SRPK2: variants seen among roughly 807,000 people sequenced by gnomAD.
The protein encoded by SRPK2 is SFRS protein kinase 2.
In SRPK2, 21 loss-of-function variants were observed where a neutral mutation model predicts 90.8. The observed-to-expected ratio is 0.23, with a 90% CI of 0.16 to 0.33. SRPK2 has a LOEUF of 0.33. SRPK2 is among the 10% of genes least tolerant of loss of function. The pLI is 1.00. For missense variants in SRPK2, 620 were observed against 869.0 expected, an observed-to-expected ratio of 0.71 and a Z score of 3.60; for synonymous variants, 288 against 311.1, an observed-to-expected ratio of 0.93 and a Z score of 0.78.
chr7:105,120,419 G>T (rs1336118203), intron 15 of SRPK2, among the ~76,000 whole-genome samples: 1 of 152,116 alleles, frequency 6.6e-6, no homozygotes, highest in Non-Finnish European at 1.5e-5. Flanking sequence ...TAGTAACAGT[G>T]AGCAAAACAA....
At chr7:105,257,003 A>C (rs563919995) in intron 2 of SRPK2, among the ~76,000 whole-genome samples, 1 of 152,366 alleles carries the variant, frequency 6.6e-6, no homozygotes, top group South Asian at 2.1e-4. Context: ...TGTCCATTAG[A>C]GTACTTAGCA....
chr7:105,316,436 C>T (rs903882130), intron 2 of SRPK2, among the ~76,000 whole-genome samples: 4 of 152,122 alleles, frequency 2.6e-5, no homozygotes, highest in Non-Finnish European at 5.9e-5. Context: ...CACTACTTTA[C>T]CTCCAAGCTA....
At chr7:105,239,785 A>C (rs1345873103) in intron 2 of SRPK2, among the ~76,000 whole-genome samples, 3 of 152,252 alleles carry the variant, frequency 2.0e-5, no homozygotes, top group African/African-American at 7.2e-5. Context: ...GATAAGAATA[A>C]GAAAGCCAAT....
At chr7:105,145,700 G>A (rs6466045) in intron 8 of SRPK2, among the ~76,000 whole-genome samples, 123,383 of 152,176 alleles carry the variant, frequency 0.81, 50,755 homozygotes, top group Non-Finnish European at 0.88. Flanking sequence ...TCGATATTTG[G>A]AATCTATTTT....
intron 2 of SRPK2, among the ~76,000 whole-genome samples, chr7:105,255,288 G>A (rs551963687): frequency 2.6e-5 from 4 of 151,560 alleles, no homozygotes; most frequent in Non-Finnish European, 5.9e-5. Context: ...AATTTTGTTA[G>A]TCACCTTTAC....
chr7:105,310,995 C>T (rs1811643067), intron 2 of SRPK2, among the ~76,000 whole-genome samples: 1 of 152,118 alleles, frequency 6.6e-6, no homozygotes, highest in African/African-American at 2.4e-5. Flanking sequence ...CTAGGAGGGG[C>T]TCGGTTGTGC....
At chr7:105,340,358 TG>T (rs754116353) in intron 2 of SRPK2, among the ~76,000 whole-genome samples, 2 of 151,486 alleles carry the variant, frequency 1.3e-5, no homozygotes, top group Non-Finnish European at 2.9e-5. Context: ...ATATAAATTA[TG>T]GTTATGCAAA....
intron 2 of SRPK2, among the ~76,000 whole-genome samples, chr7:105,361,982 T>C (rs900132514): frequency 6.6e-4 from 101 of 152,126 alleles, no homozygotes; most frequent in African/African-American, 2.4e-3. Context: ...AAACAGGATC[T>C]AATTAAACTA....
chr7:105,250,579 C>T (rs1048655080), intron 2 of SRPK2, among the ~76,000 whole-genome samples: 1 of 152,038 alleles, frequency 6.6e-6, no homozygotes, highest in Non-Finnish European at 1.5e-5. Flanking sequence ...TTTTTAAGTT[C>T]GAAATTACAA....
rs767018283 is a variant in SRPK2, at chr7:105,160,490, G to A, written c.621+17C>T. The A allele has an allele frequency of 6.6e-7, 1 of 1,519,442 alleles. No individual in the cohort carries two copies. Among genetic ancestry groups the A allele is most frequent in the Non-Finnish European group, 9.1e-7 (1 of 1,093,908 alleles). 94.1% of individuals were successfully genotyped at this position (1,519,442 alleles called of 1,614,324 possible). A position where few individuals can be genotyped will look rare whatever the true frequency, so the allele number is the denominator to read the frequency against. ...AATTAGGTACTAGGGCCTAGGGGCT[G>A]CCGTCAAAAGTCTCACCTGTCGAAT... is the stretch of plus-strand genomic sequence containing the variant. On this transcript the variant is annotated intron_variant, in intron 7 of 15. Transcript: ENST00000393651.
At chr7:105,268,764 A>G (rs1805435673) in intron 2 of SRPK2, 2 of 1,572,044 alleles carry the variant, frequency 1.3e-6, no homozygotes, top group Non-Finnish European at 1.7e-6. Flanking sequence ...TTTCTTAGCA[A>G]TGCTACACCA....
chr7:105,266,507 A>G (rs1805100587), intron 2 of SRPK2, among the ~76,000 whole-genome samples: 1 of 152,152 alleles, frequency 6.6e-6, no homozygotes, highest in East Asian at 1.9e-4. Context: ...TTTGCTTACA[A>G]TCAAGCAGTT....
chr7:105,181,516 T>G (rs1289691843), intron 3 of SRPK2, among the ~76,000 whole-genome samples: 1 of 152,116 alleles, frequency 6.6e-6, no homozygotes, highest in African/African-American at 2.4e-5. Context: ...ACATATACCA[T>G]GGAATACTAT....
At chr7:105,149,259 G>C (rs1227841952) in intron 7 of SRPK2, among the ~76,000 whole-genome samples, 1 of 152,184 alleles carries the variant, frequency 6.6e-6, no homozygotes, top group African/African-American at 2.4e-5. Flanking sequence ...TGGGAGGTGA[G>C]ACATGTTTGC....
intron 2 of SRPK2, among the ~76,000 whole-genome samples, chr7:105,330,324 G>A (rs950924471): frequency 4.6e-5 from 7 of 151,576 alleles, no homozygotes; most frequent in East Asian, 1.9e-4. Context: ...GTGACAGATC[G>A]AGACTCTGTC....
intron 2 of SRPK2, among the ~76,000 whole-genome samples, chr7:105,280,666 G>C (rs549909302): frequency 1.3e-5 from 2 of 148,860 alleles, no homozygotes; most frequent in Non-Finnish European, 3.0e-5. Context: ...AGGGGGGGGG[G>C]GCCGGGCACA....
chr7:105,220,770 A>C (rs1027672949), intron 2 of SRPK2, among the ~76,000 whole-genome samples: 1 of 152,038 alleles, frequency 6.6e-6, no homozygotes, highest in Non-Finnish European at 1.5e-5. Flanking sequence ...TTCCATCAAG[A>C]CATCCAGACC....
intron 2 of SRPK2, among the ~76,000 whole-genome samples, chr7:105,265,712 C>A (rs1401196590): frequency 6.6e-6 from 1 of 151,934 alleles, no homozygotes; most frequent in Non-Finnish European, 1.5e-5. Context: ...CTACTATATT[C>A]AAGATGAATT....
chr7:105,217,589 CA>C (rs1797622613), intron 2 of SRPK2, among the ~76,000 whole-genome samples: 2 of 152,218 alleles, frequency 1.3e-5, no homozygotes. Flanking sequence ...CTGATACTCT[CA>C]GAACTGATTT....
Sources: allele counts gnomAD v4.1 joint callset (sites outside exome capture counted in the v4.1 genomes callset), GRCh38; gene constraint gnomAD v4.1.1; transcripts MANE v1.5; gene names NCBI Gene and HGNC (gene_info 2026-07-23, HGNC 2026-07-21).